BPNT2: variants seen among roughly 807,000 people sequenced by gnomAD.
The protein encoded by BPNT2 is 3'(2'), 5'-bisphosphate nucleotidase 2.
Under a neutral mutation model 29.3 loss-of-function variants are expected in BPNT2, and 11 were observed. The ratio of observed to expected loss-of-function variants is 0.38; its 90% CI spans 0.24 to 0.62. BPNT2 has a LOEUF of 0.62. Among genes scored for constraint, BPNT2 ranks in the 20% least tolerant of loss-of-function variants. The pLI, the probability that BPNT2 is intolerant of heterozygous loss-of-function variation, is 0.62. For missense variants in BPNT2, 459 were observed against 473.4 expected (o/e 0.97, Z 0.28); for synonymous variants, 195 against 187.7 (o/e 1.04, Z -0.32).
Position 56,979,953 on chromosome 8 carries a change from T to A in BPNT2, c.550+82A>T, listed in dbSNP as rs532829036. 105 of 1,294,258 alleles carry A rather than the reference T, an allele frequency of 8.1e-5. No homozygotes were observed. The African/African-American group carries it at 1.1e-3, about 13-fold the overall frequency. The allele number at this position is 1,294,258 out of a possible 1,614,324, so 80.2% of individuals were successfully genotyped here. A position where few individuals can be genotyped will look rare whatever the true frequency, so the allele number is the denominator to read the frequency against. ...TTACTGAACAATCAGTGAGCCACTA[T>A]CACCTATAGGAAGTATGCCTTGGTT... On this transcript the variant is annotated intron_variant, in intron 2 of 4. Coordinates refer to ENST00000262644, the MANE Select transcript of BPNT2 (RefSeq NM_017813.5).
intron 1 of BPNT2, among the ~76,000 whole-genome samples, chr8:56,984,159 C>A (rs1806290630): frequency 6.6e-6 from 1 of 152,184 alleles, no homozygotes. Flanking sequence ...TTGCACAATT[C>A]AAGTCAGCTT....
intron 1 of BPNT2, among the ~76,000 whole-genome samples, chr8:56,986,932 G>A (rs1339976511): frequency 6.6e-6 from 1 of 152,144 alleles, no homozygotes; most frequent in Non-Finnish European, 1.5e-5. Flanking sequence ...CTTAAGACAA[G>A]TTTGTCTATT....
chr8:56,989,493 A>C (rs1806377568), intron 1 of BPNT2, among the ~76,000 whole-genome samples: 1 of 152,336 alleles, frequency 6.6e-6, no homozygotes, highest in Admixed American at 6.5e-5. Flanking sequence ...TTGTGAAGAT[A>C]AAATTAATAA....
chr8:56,974,482 G>A (rs1406321999), intron 3 of BPNT2, among the ~76,000 whole-genome samples: 1 of 152,164 alleles, frequency 6.6e-6, no homozygotes, highest in Non-Finnish European at 1.5e-5. Flanking sequence ...ATAGTGAAGT[G>A]TAGCTAAATT....
chr8:56,980,334 T>C (rs1806218996), intron 1 of BPNT2, 137 bp from the exon 2 acceptor site: 3 of 705,774 alleles, frequency 4.3e-6, no homozygotes, highest in Non-Finnish European at 7.1e-6. Context: ...TGATGCTCCA[T>C]ATTGCAAAAT....
chr8:56,975,616 T>C (rs186088796), intron 3 of BPNT2, among the ~76,000 whole-genome samples: 44 of 152,320 alleles, frequency 2.9e-4, no homozygotes, highest in South Asian at 1.2e-3. Context: ...TAGAGTAACA[T>C]TTTGAACTTA....
intron 3 of BPNT2, among the ~76,000 whole-genome samples, chr8:56,977,521 C>G (rs1457586171): frequency 6.6e-6 from 1 of 152,156 alleles, no homozygotes; most frequent in East Asian, 1.9e-4. Context: ...CCTTAACTTT[C>G]TGGGTTGTTA....
rs1351141371 is a variant in BPNT2 at position 56,961,099 on chromosome 8, T to C, written c.*2694A>G. On this transcript the variant is annotated 3_prime_UTR_variant, in exon 5 of 5. Coordinates refer to ENST00000262644, the MANE Select transcript of BPNT2 (RefSeq NM_017813.5). ...GAGGAGGGGGACAGCTGATGGGTAC[T>C]GAGATCACTGATGTCACTGCCTCTA... 1.3e-5 allele frequency: 2 copies of C among 152,230 alleles called. No individual in the cohort carries two copies. The highest frequency in any genetic ancestry group is 4.8e-5 in the African/African-American group (2 of 41,454). 9.4% of individuals were successfully genotyped at this position (152,230 alleles called of 1,614,324 possible).
At chr8:56,971,788 C>CCCCCCT (rs1806038868) in intron 3 of BPNT2, among the ~76,000 whole-genome samples, 1 of 145,274 alleles carries the variant, frequency 6.9e-6, no homozygotes, top group East Asian at 2.1e-4. Flanking sequence ...TACCACCCCC[C>CCCCCCT]CCCCCACAAT....
chr8:56,963,903 T>C lies in BPNT2; in HGVS notation c.970A>G (p.Ser324Gly), dbSNP rs1585554194. 1.9e-6 allele frequency: 3 copies of C among 1,614,180 alleles called. No homozygotes were observed. Among genetic ancestry groups the C allele is most frequent in the Middle Eastern group, 3.3e-4 (2 of 6,062 alleles). The change falls in exon 5 of 5, where the codon AGT becomes GGT. Residue 324 changes from serine to glycine, a missense_variant. By Grantham distance (56) the Ser-to-Gly change is moderately conservative (BLOSUM62 0). Transcript: ENST00000262644. ...HMTTLSGEEI[S>G]YTGSDGIEGG... Reference sequence around the variant, plus strand: ...TCAATGCCGTCTGAACCAGTGTAACTGATTTCTTCACCACTCAGGGTAGTC... The same window carrying C: ...TCAATGCCGTCTGAACCAGTGTAACCGATTTCTTCACCACTCAGGGTAGTC...
At chr8:56,985,209 A>G (rs1806309871) in intron 1 of BPNT2, among the ~76,000 whole-genome samples, 1 of 152,132 alleles carries the variant, frequency 6.6e-6, no homozygotes, top group Admixed American at 6.5e-5. Flanking sequence ...GCAAGGACAC[A>G]AATTTTCTTC....
chr8:56,993,435 C>T lies in BPNT2; in HGVS notation c.151G>A (p.Gly51Arg), dbSNP rs1166093463. 3.4e-6 allele frequency: 5 copies of T among 1,478,392 alleles called. No individual in the cohort carries two copies. In the South Asian group the frequency reaches 4.1e-5, roughly 12 times the overall value. 91.6% of individuals were successfully genotyped at this position (1,478,392 alleles called of 1,614,324 possible). ...LGGEPGGGAA[G>R]PAAAADGGTV... ...CCCCCATCGGCCGCGGCCGCGGGCC[C>T]CGCCGCGCCGCCGCCAGGCTCGCCG... Residue 51 changes from glycine to arginine, a missense_variant, in exon 1 of 5, where the codon GGG (glycine) becomes AGG (arginine). Gly to Arg is a moderately radical substitution (Grantham distance 125, BLOSUM62 -2). Transcript: ENST00000262644.
intron 1 of BPNT2, among the ~76,000 whole-genome samples, chr8:56,986,654 CATAGCCTAG>C (rs1806330504): frequency 1.3e-5 from 2 of 152,336 alleles, no homozygotes; most frequent in East Asian, 3.9e-4. Context: ...AACATCACAG[CATAGCCTAG>C]CCAACCTGAA....
rs1034584395 is a variant in BPNT2 at position 56,993,265 on chromosome 8, G to C, written c.321C>G (p.Thr107=). ...KTREGAEDKM[T]SGDVLSNRKM... Reference sequence around the variant, plus strand: ...TGCGGTTGGACAGCACGTCGCCGCTGGTCATCTTGTCCTCGGCTCCCTCGC... The same window carrying C: ...TGCGGTTGGACAGCACGTCGCCGCTCGTCATCTTGTCCTCGGCTCCCTCGC... Residue 107 remains threonine (T), a synonymous_variant, in exon 1 of 5, where the codon ACC becomes ACG. Coordinates refer to ENST00000262644, the MANE Select transcript of BPNT2 (RefSeq NM_017813.5). 8 of 1,610,402 alleles carry C rather than the reference G, an allele frequency of 5.0e-6. No individual in the cohort carries two copies. Among genetic ancestry groups the C allele is most frequent in the East Asian group, 2.2e-5 (1 of 44,858 alleles).
At chr8:56,980,935 T>C (rs1806231846) in intron 1 of BPNT2, among the ~76,000 whole-genome samples, 2 of 151,536 alleles carry the variant, frequency 1.3e-5, no homozygotes. Flanking sequence ...TACATGTGTT[T>C]GTATAATACT....
At chr8:56,972,086 A>C (rs1806045777) in intron 3 of BPNT2, among the ~76,000 whole-genome samples, 1 of 151,596 alleles carries the variant, frequency 6.6e-6, no homozygotes. Context: ...ACTCCGTCTC[A>C]AAAAAAAGAA....
chr8:56,986,842 T>C (rs1399106398), intron 1 of BPNT2, among the ~76,000 whole-genome samples: 1 of 152,236 alleles, frequency 6.6e-6, no homozygotes, highest in African/African-American at 2.4e-5. Context: ...TTACAATGAA[T>C]GGTGCATATC....
chr8:56,992,658 AAGAC>A (rs1392848083), intron 1 of BPNT2, among the ~76,000 whole-genome samples: 1 of 151,962 alleles, frequency 6.6e-6, no homozygotes, highest in African/African-American at 2.4e-5. Context: ...TCCTGACAAA[AAGAC>A]AGCGAAATGA....
intron 1 of BPNT2, among the ~76,000 whole-genome samples, chr8:56,983,269 A>C (rs1322471511): frequency 6.6e-6 from 1 of 152,248 alleles, no homozygotes. Flanking sequence ...AAAGTAATGT[A>C]GCTAGAGAAG....
Sources: allele counts gnomAD v4.1 joint callset (sites outside exome capture counted in the v4.1 genomes callset), GRCh38; gene constraint gnomAD v4.1.1; transcripts MANE v1.5; gene names NCBI Gene and HGNC (gene_info 2026-07-23, HGNC 2026-07-21).